Variants in LARGE1 observed in about 807,000 individuals in gnomAD.
LARGE1 encodes LARGE xylosyl- and glucuronyltransferase 1, also known as xylosyl- and glucuronyltransferase LARGE1.
In LARGE1, 43 loss-of-function variants were observed where a neutral mutation model predicts 87.6. The observed-to-expected ratio is 0.49, with a 90% CI of 0.38 to 0.63. The LOEUF (loss-of-function observed/expected upper bound fraction) is 0.63. Among genes scored for constraint, LARGE1 ranks in the 30% least tolerant of loss-of-function variants. LARGE1 has a pLI of 0.00. For synonymous variants in LARGE1, 434 were observed against 394.6 expected (o/e 1.10, Z -1.18); for missense variants, 802 against 1,000.2 (o/e 0.80, Z 2.67).
intron 6 of LARGE1, among the ~76,000 whole-genome samples, chr22:33,524,185 G>A (rs978510887): frequency 2.7e-4 from 41 of 151,970 alleles, no homozygotes; most frequent in Middle Eastern, 3.4e-3. Context: ...CAGCTACTCA[G>A]GAGGCTGAGG....
chr22:33,862,005 C>A (rs553856257), intron 1 of LARGE1, among the ~76,000 whole-genome samples: 1 of 151,590 alleles, frequency 6.6e-6, no homozygotes, highest in Non-Finnish European at 1.5e-5. Context: ...ATTACAGGCA[C>A]GCGCCACCAT....
chr22:33,382,691 C>T (rs1003372970), intron 8 of LARGE1, among the ~76,000 whole-genome samples: 3 of 152,176 alleles, frequency 2.0e-5, no homozygotes, highest in Non-Finnish European at 2.9e-5. Context: ...TGACAGGTGG[C>T]GCCGGGAGGT....
Position 33,193,132 on chromosome 22 carries a change from GA to G in LARGE1, c.1731-26301del, listed in dbSNP as rs762381320. ...TGTGTAATACTCTGGATGCAATGAG[GA>G]AAAAAGAATAAAGAGGGAGAGACTG... On this transcript the variant is annotated intron_variant, in intron 11 of 11. Transcript: ENST00000608642. Among the ~76,000 whole-genome samples, 25 of 151,854 alleles carry G rather than the reference GA, an allele frequency of 1.6e-4. 1 individual carries two copies. Among genetic ancestry groups the G allele is most frequent in the Middle Eastern group, 3.2e-3 (1 of 316 alleles).
intron 6 of LARGE1, among the ~76,000 whole-genome samples, chr22:33,554,721 A>T (rs1252262444): frequency 6.6e-6 from 1 of 152,188 alleles, no homozygotes; most frequent in East Asian, 1.9e-4. Flanking sequence ...CATCAGCCAA[A>T]GGGATCTTTT....
At chr22:33,372,038 T>C (rs959667561) in intron 9 of LARGE1, among the ~76,000 whole-genome samples, 1 of 151,614 alleles carries the variant, frequency 6.6e-6, no homozygotes, top group African/African-American at 2.4e-5. Flanking sequence ...GAATGTGGAA[T>C]AAATGTTTAT....
intron 6 of LARGE1, among the ~76,000 whole-genome samples, chr22:33,472,224 A>G (rs2068873682): frequency 6.6e-6 from 1 of 152,148 alleles, no homozygotes; most frequent in South Asian, 2.1e-4. Context: ...AGGTCTTTGG[A>G]GGCAAAGATG....
chr22:33,263,862 A>C (rs1602167909), intron 11 of LARGE1, among the ~76,000 whole-genome samples: 1 of 152,372 alleles, frequency 6.6e-6, no homozygotes, highest in Admixed American at 6.5e-5. Context: ...AGAAGAGCAC[A>C]GCGGTTAAGA....
At chr22:33,686,949 C>A (rs2081962614) in intron 2 of LARGE1, among the ~76,000 whole-genome samples, 1 of 152,232 alleles carries the variant, frequency 6.6e-6, no homozygotes. Flanking sequence ...TGGAACAAAG[C>A]TCAATCTCCT....
At chr22:33,603,312 A>T (rs2079160911) in intron 5 of LARGE1, among the ~76,000 whole-genome samples, 1 of 152,224 alleles carries the variant, frequency 6.6e-6, no homozygotes, top group Non-Finnish European at 1.5e-5. Flanking sequence ...AGTCCTTCCC[A>T]AGGTGATCAG....
chr22:33,239,947 G>A (rs371474985), intron 11 of LARGE1, among the ~76,000 whole-genome samples: 4 of 152,112 alleles, frequency 2.6e-5, no homozygotes, highest in East Asian at 1.9e-4. Context: ...ATCTCCTGAC[G>A]TGGGAGAATA....
At chr22:33,626,426 G>A (rs1483647901) in intron 3 of LARGE1, 100 bp from the exon 4 acceptor site, 1 of 885,696 alleles carries the variant, frequency 1.1e-6, no homozygotes, top group Non-Finnish European at 1.9e-6. Flanking sequence ...CTGATTTCTT[G>A]TTGGCATCAT....
intron 1 of LARGE1, among the ~76,000 whole-genome samples, chr22:33,892,779 C>A (rs1601864160): frequency 6.6e-6 from 1 of 152,250 alleles, no homozygotes; most frequent in Non-Finnish European, 1.5e-5. Flanking sequence ...CACTGTACTT[C>A]AGCGGAAGAG....
At chr22:33,664,317 C>T (rs240351) in intron 2 of LARGE1, among the ~76,000 whole-genome samples, 93,579 of 152,080 alleles carry the variant, frequency 0.62, 29,182 homozygotes, top group Middle Eastern at 0.7. Context: ...ATCACTTTTG[C>T]TCCCCACTGC....
At position 33,273,180 on chromosome 22, in the gene LARGE1, T is replaced by G. The variant is rs764954018; in HGVS notation, c.*1247A>C. The G allele has an allele frequency of 5.2e-6, 2 of 381,030 alleles. No homozygotes were observed. Among genetic ancestry groups the G allele is most frequent in the Non-Finnish European group, 9.3e-6 (2 of 215,596 alleles). 23.6% of individuals were successfully genotyped at this position (381,030 alleles called of 1,614,324 possible). On this transcript the variant is annotated 3_prime_UTR_variant, in exon 15 of 15. Coordinates refer to ENST00000397394, the MANE Select transcript of LARGE1 (RefSeq NM_133642.5). ...GCAGAGGGTAGGGCATTAACTCTTG[T>G]TCTCATCAATGTAAACACAATATTA...
At chr22:33,191,132 T>C (rs1046131877) in intron 11 of LARGE1, among the ~76,000 whole-genome samples, 3 of 152,268 alleles carry the variant, frequency 2.0e-5, no homozygotes, top group African/African-American at 7.2e-5. Context: ...GAATGAATTA[T>C]TGAATACATT....
intron 6 of LARGE1, among the ~76,000 whole-genome samples, chr22:33,518,242 T>C (rs929163588): frequency 1.3e-5 from 2 of 152,238 alleles, no homozygotes; most frequent in Admixed American, 6.5e-5. Flanking sequence ...ATTGTGATCA[T>C]CATCCCTATG....
intron 1 of LARGE1, among the ~76,000 whole-genome samples, chr22:33,899,644 G>A: frequency 6.6e-6 from 1 of 152,268 alleles, no homozygotes; most frequent in East Asian, 1.9e-4. Flanking sequence ...CCCCCTCACT[G>A]TGCCCAGTAC....
chr22:33,554,260 AGAT>A (rs2077612215), intron 6 of LARGE1, among the ~76,000 whole-genome samples: 1 of 152,100 alleles, frequency 6.6e-6, no homozygotes, highest in Non-Finnish European at 1.5e-5. Context: ...GCCCTGTGTT[AGAT>A]TCATCAAATC....
chr22:33,100,516 G>C, the LARGE1 span, among the ~76,000 whole-genome samples: 1 of 152,144 alleles, frequency 6.6e-6, no homozygotes, highest in Non-Finnish European at 1.5e-5. Context: ...CTAGTTACTA[G>C]TGTAGAGATA....
Sources: gnomAD v4.1 joint callset for allele counts (sites outside exome capture counted in the v4.1 genomes callset) on GRCh38, gnomAD v4.1.1 for gene constraint, MANE v1.5 for transcripts, NCBI Gene and HGNC (gene_info 2026-07-23, HGNC 2026-07-21) for gene names.